UPRT: variants seen among roughly 807,000 people sequenced by gnomAD.
UPRT encodes RP11-311P8.3.
UPRT carries 5 observed loss-of-function variants against 22.6 expected under a neutral mutation model. The observed-to-expected ratio is 0.22, with a 90% CI of 0.12 to 0.47. The LOEUF (loss-of-function observed/expected upper bound fraction) is 0.47. UPRT is among the 20% of genes least tolerant of loss of function. The pLI is 0.99. For synonymous variants in UPRT, 77 were observed against 87.7 expected (o/e 0.88, Z 0.68); for missense variants, 181 against 239.9 (o/e 0.75, Z 1.62).
chrX:75,183,470 C>T (rs1312709948), intron 4 of UPRT, among the ~76,000 whole-genome samples: 2 of 111,792 alleles, frequency 1.8e-5, no homozygotes, highest in East Asian at 5.6e-4. Context: ...GTGAATAGTG[C>T]CGCAGTAAAC....
At chrX:75,301,006 C>T in intron 6 of UPRT, 41 bp downstream of exon 6, 2 of 988,737 alleles carry the variant, frequency 2.0e-6, no homozygotes, top group Non-Finnish European at 2.8e-6. Context: ...TCCATATAGT[C>T]CTGAGGTGGG....
chrX:75,230,818 G>A (rs532164461), intron 4 of UPRT, among the ~76,000 whole-genome samples: 1 of 111,672 alleles, frequency 9.0e-6, no homozygotes, highest in African/African-American at 3.3e-5. Flanking sequence ...AATCCCAGTA[G>A]CCACACTGGG....
chrX:75,284,981 C>T (rs1340877181), intron 1 of UPRT, among the ~76,000 whole-genome samples: 1 of 110,822 alleles, frequency 9.0e-6, no homozygotes, highest in Non-Finnish European at 1.9e-5. Flanking sequence ...CTGTGGCTGC[C>T]GTAGGGGATG....
chrX:75,294,600 ACTC>A (rs1361759800), intron 2 of UPRT: 1 of 983,198 alleles, frequency 1.0e-6, no homozygotes, highest in African/African-American at 2.0e-5. Flanking sequence ...AGCATAGACA[ACTC>A]CTGTTCTGCT....
intron 2 of UPRT, among the ~76,000 whole-genome samples, chrX:75,295,673 T>A (rs2082723345): frequency 8.9e-6 from 1 of 112,452 alleles, no homozygotes; most frequent in African/African-American, 3.2e-5. Flanking sequence ...AGCATTACTT[T>A]TACTGTAGTT....
chrX:75,210,375 C>T (rs1026916656), intron 4 of UPRT, among the ~76,000 whole-genome samples: 2 of 111,003 alleles, frequency 1.8e-5, no homozygotes, highest in Non-Finnish European at 1.9e-5. Flanking sequence ...GAGTGACATA[C>T]AGAAATTCCT....
intron 4 of UPRT, among the ~76,000 whole-genome samples, chrX:75,258,915 G>A: frequency 8.9e-6 from 1 of 111,909 alleles, no homozygotes. Context: ...GAAGCTTCCA[G>A]AAGAAGGAAC....
At chrX:75,247,516 G>A (rs1345713734) in intron 4 of UPRT, among the ~76,000 whole-genome samples, 2 of 111,740 alleles carry the variant, frequency 1.8e-5, no homozygotes, top group African/African-American at 3.3e-5. Context: ...ACTGCAAAGC[G>A]GCAGTGAGGC....
At chrX:75,238,286 A>G (rs1018844875) in intron 4 of UPRT, among the ~76,000 whole-genome samples, 6 of 111,478 alleles carry the variant, frequency 5.4e-5, no homozygotes, top group African/African-American at 2.0e-4. Context: ...AGGTAGAAAA[A>G]GATATTCCAT....
At chrX:75,298,209 C>A (rs1308035219) in intron 4 of UPRT, among the ~76,000 whole-genome samples, 3 of 106,977 alleles carry the variant, frequency 2.8e-5, no homozygotes, top group Non-Finnish European at 5.8e-5. Flanking sequence ...CCAGGCTGGT[C>A]TAAAACTCCT....
At chrX:75,293,133 C>T (rs915312865) in intron 1 of UPRT, among the ~76,000 whole-genome samples, 1 of 110,856 alleles carries the variant, frequency 9.0e-6, no homozygotes, top group South Asian at 3.8e-4. Flanking sequence ...GCAAAGTTTC[C>T]TCTCAACTTT....
Position 75,293,855 on chromosome X carries a change from C to T in UPRT, c.429+341C>T, listed in dbSNP as rs185097178. ...GAAAACCAAAAATGTAAGGAGACCTCATAGTTACACTTGTGGTATCCAACG... is the reference window on the plus strand; with the variant it reads ...GAAAACCAAAAATGTAAGGAGACCTTATAGTTACACTTGTGGTATCCAACG... On this transcript the variant is annotated intron_variant, in intron 2 of 6. Transcript: ENST00000373383. 3.8e-4 allele frequency among the ~76,000 whole-genome samples: 42 copies of T among 111,650 alleles called. No homozygotes were observed. The East Asian group carries it at 0.012, about 32-fold the overall frequency.
chrX:75,215,005 G>A (rs997398334), intron 4 of UPRT, among the ~76,000 whole-genome samples: 1 of 109,185 alleles, frequency 9.2e-6, no homozygotes, highest in Non-Finnish European at 1.9e-5. Flanking sequence ...ACACAAATAA[G>A]GCAGGAGAAA....
At chrX:75,188,879 G>A (rs954245864) in intron 4 of UPRT, among the ~76,000 whole-genome samples, 17 of 111,685 alleles carry the variant, frequency 1.5e-4, no homozygotes, top group African/African-American at 3.9e-4. Context: ...ACCCTGCTTC[G>A]GCTCGCACGC....
chrX:75,181,828 G>A (rs2082271276), intron 4 of UPRT, among the ~76,000 whole-genome samples: 1 of 111,405 alleles, frequency 9.0e-6, no homozygotes, highest in Admixed American at 9.6e-5. Flanking sequence ...CTATTTGAAT[G>A]CCTTTTATTT....
chrX:75,220,143 T>A (rs1389946389), intron 4 of UPRT, among the ~76,000 whole-genome samples: 2 of 111,719 alleles, frequency 1.8e-5, no homozygotes, highest in African/African-American at 6.5e-5. Context: ...TGAAATGATC[T>A]CTTTATCATT....
At chrX:75,199,009 C>T (rs1412053703) in intron 4 of UPRT, among the ~76,000 whole-genome samples, 1 of 112,104 alleles carries the variant, frequency 8.9e-6, no homozygotes, top group Admixed American at 9.4e-5. Flanking sequence ...AGGGGATTCA[C>T]ACATCCCAGT....
chrX:75,291,373 A>G (rs183265035), intron 1 of UPRT: 2 of 319,329 alleles, frequency 6.3e-6, no homozygotes, highest in African/African-American at 5.4e-5. Context: ...GATAGAAGAT[A>G]ATTAATGTGT....
chrX:75,163,957 C>T (rs1337417741), intron 3 of UPRT, among the ~76,000 whole-genome samples: 1 of 111,134 alleles, frequency 9.0e-6, no homozygotes, highest in Non-Finnish European at 1.9e-5. Flanking sequence ...GCCAGTGGAT[C>T]ACTTGAGGTC....
Sources: gnomAD v4.1 joint callset for allele counts (sites outside exome capture counted in the v4.1 genomes callset) on GRCh38, gnomAD v4.1.1 for gene constraint, MANE v1.5 for transcripts, NCBI Gene and HGNC (gene_info 2026-07-23, HGNC 2026-07-21) for gene names.